The following CIRSR variants were observed in gnomAD, a reference collection of about 807,000 sequenced individuals.
The protein encoded by CIRSR is CBF1 (RBPJ) interacting corepressor 1.
the CIRSR span, among the ~76,000 whole-genome samples, chr2:174,379,652 AATT>A: frequency 6.6e-6 from 1 of 151,822 alleles, no homozygotes. Context: ...TGATTCTCCA[AATT>A]TTTTGAAAAC....
the CIRSR span, among the ~76,000 whole-genome samples, chr2:174,363,139 C>G: frequency 1.3e-5 from 2 of 152,154 alleles, no homozygotes; most frequent in Admixed American, 1.3e-4. Context: ...GAAAATAAAG[C>G]TGAGAAGCAC....
At chr2:174,381,524 G>A in the CIRSR span, among the ~76,000 whole-genome samples, 1 of 151,920 alleles carries the variant, frequency 6.6e-6, no homozygotes, top group Non-Finnish European at 1.5e-5. Flanking sequence ...GTGGTGGCGT[G>A]CTCCTGTAAT....
At chr2:174,385,386 G>A in the CIRSR span, among the ~76,000 whole-genome samples, 1 of 152,082 alleles carries the variant, frequency 6.6e-6, no homozygotes, top group African/African-American at 2.4e-5. Flanking sequence ...ACTTTTGAAT[G>A]AGGAAGAAAT....
At chr2:174,351,572 A>G in the CIRSR span, 62 of 1,482,426 alleles carry the variant, frequency 4.2e-5, no homozygotes, top group Admixed American at 8.6e-5. Flanking sequence ...AAGCAATCAC[A>G]TTTAGATTTA....
chr2:174,392,600 T>C, the CIRSR span, among the ~76,000 whole-genome samples: 1 of 152,104 alleles, frequency 6.6e-6, no homozygotes, highest in African/African-American at 2.4e-5. Flanking sequence ...AAAGGAAAGA[T>C]GGATTCAAGA....
chr2:174,372,068 T>C, the CIRSR span, among the ~76,000 whole-genome samples: 2 of 152,222 alleles, frequency 1.3e-5, no homozygotes, highest in Admixed American at 6.5e-5. Context: ...TCCTATTTCA[T>C]ACAGAATTTT....
chr2:174,348,956 CTT>C, the CIRSR span: 3 of 1,601,500 alleles, frequency 1.9e-6, no homozygotes, highest in African/African-American at 4.1e-5. Flanking sequence ...GCCCTGAACA[CTT>C]GTTTTTCTTT....
the CIRSR span, among the ~76,000 whole-genome samples, chr2:174,377,549 G>A: frequency 6.6e-6 from 1 of 152,180 alleles, no homozygotes; most frequent in African/African-American, 2.4e-5. Context: ...AGGCATGGTG[G>A]CTCATGTCTG....
At chr2:174,384,084 T>C in the CIRSR span, among the ~76,000 whole-genome samples, 1 of 152,154 alleles carries the variant, frequency 6.6e-6, no homozygotes, top group Non-Finnish European at 1.5e-5. Context: ...TGCCAATGTT[T>C]ATAGCAGCAT....
At chr2:174,367,536 T>C in the CIRSR span, among the ~76,000 whole-genome samples, 2 of 151,956 alleles carry the variant, frequency 1.3e-5, no homozygotes, top group Non-Finnish European at 2.9e-5. Context: ...GCCGAGATCA[T>C]GCCACTGCAC....
chr2:174,348,405 T>G, the CIRSR span: 1 of 1,510,694 alleles, frequency 6.6e-7, no homozygotes, highest in Non-Finnish European at 8.8e-7. Flanking sequence ...CAGTACATAA[T>G]TTACCCCTTG....
chr2:174,356,926 T>C, the CIRSR span, among the ~76,000 whole-genome samples: 4,941 of 152,322 alleles, frequency 0.032, 121 homozygotes, highest in Middle Eastern at 0.061. Context: ...TTTATTTTTT[T>C]CATAGAATAT....
chr2:174,355,889 G>A, the CIRSR span, among the ~76,000 whole-genome samples: 1 of 152,080 alleles, frequency 6.6e-6, no homozygotes, highest in African/African-American at 2.4e-5. Flanking sequence ...TGGCATAGGA[G>A]GGAGACTAAA....
the CIRSR span, among the ~76,000 whole-genome samples, chr2:174,362,150 T>C: frequency 2.0e-5 from 3 of 151,678 alleles, no homozygotes; most frequent in Admixed American, 6.6e-5. Flanking sequence ...CAAAAAAAAA[T>C]TGAAAATGAG....
chr2:174,387,640 T>A, the CIRSR span: 1 of 1,537,670 alleles, frequency 6.5e-7, no homozygotes, highest in Non-Finnish European at 8.8e-7. Context: ...ATTATTCCCA[T>A]GAAATTGATA....
chr2:174,362,955 CAG>C, the CIRSR span, among the ~76,000 whole-genome samples: 1 of 152,044 alleles, frequency 6.6e-6, no homozygotes, highest in South Asian at 2.1e-4. Context: ...GTTTTATTTC[CAG>C]AGTCTCCACC....
At chr2:174,379,071 T>C in the CIRSR span, 4 of 1,468,986 alleles carry the variant, frequency 2.7e-6, no homozygotes, top group South Asian at 2.3e-5. Flanking sequence ...TTTTGGTTAC[T>C]AAAAAAGTAA....
chr2:174,388,417 TC>T, the CIRSR span, among the ~76,000 whole-genome samples: 1 of 152,126 alleles, frequency 6.6e-6, no homozygotes. Context: ...GCCAGGCTGG[TC>T]TTGAACTCCT....
chr2:174,360,204 AAAAT>A, the CIRSR span, among the ~76,000 whole-genome samples: 1 of 152,222 alleles, frequency 6.6e-6, no homozygotes, highest in African/African-American at 2.4e-5. Flanking sequence ...AACTTAAAGT[AAAAT>A]AAATAATTTT....
Sources: allele counts gnomAD v4.1 joint callset (sites outside exome capture counted in the v4.1 genomes callset), GRCh38; gene constraint gnomAD v4.1.1; transcripts MANE v1.5; gene names NCBI Gene and HGNC (gene_info 2026-07-23, HGNC 2026-07-21).